Variants in GNAI2 observed in about 807,000 individuals in gnomAD.
GNAI2 encodes the protein G protein subunit alpha i2.
Under a neutral mutation model 36.8 loss-of-function variants are expected in GNAI2, and 4 were observed. The ratio of observed to expected loss-of-function variants is 0.11; its 90% CI spans 0.05 to 0.25. The LOEUF (loss-of-function observed/expected upper bound fraction) is 0.25. GNAI2 is among the 10% of genes least tolerant of loss of function. The pLI is 1.00. For missense variants in GNAI2, 230 were observed against 481.3 expected (o/e 0.48, Z 4.89); for synonymous variants, 194 against 194.1 (o/e 1.00, Z 0.01).
In GNAI2 at chr3:50,244,025, CTT is replaced by C. The variant is rs782681282; in HGVS notation, c.118+7592_118+7593del. Among the ~76,000 whole-genome samples the C allele has an allele frequency of 7.1e-4, 85 of 120,388 alleles. 1 individual carries two copies. In the East Asian group the frequency reaches 0.01, roughly 14 times the overall value. The allele number at this position is 120,388 out of a possible 152,430, so 79.0% of individuals were successfully genotyped here. The stretch of plus-strand genomic sequence containing the variant: ...TGGTCATGGGGGACCCCCTCCACTC[CTT>C]TTTTTTTTTTTTTTTTTTTGAGATG... On this transcript the variant is annotated intron_variant, in intron 1 of 8. Transcript: ENST00000313601.
Position 50,253,043 on chromosome 3 carries a change from T to C in GNAI2, c.323T>C (p.Phe108Ser), listed in dbSNP as rs1700603706. The C allele has an allele frequency of 6.3e-7, 1 of 1,594,608 alleles. No individual in the cohort carries two copies. The highest frequency in any genetic ancestry group is 1.1e-5 in the South Asian group (1 of 90,476). The change falls in exon 4 of 9, where the codon TTT becomes TCT. Residue 108 changes from phenylalanine (F) to serine (S), a missense_variant. By Grantham distance (155) the Phe-to-Ser change is radical (BLOSUM62 -2). Transcript: ENST00000313601. The surrounding 1 kb of genome is among the most constrained non-coding windows in gnomAD (Gnocchi z 4.2). ...GCCCAGGACGACGCCAGGCAGCTAT[T>C]TGCACTGTCCTGCACCGCCGAGGAG... Reference protein sequence around the residue: ...PSRADDARQLFALSCTAEEQG... With the variant: ...PSRADDARQLSALSCTAEEQG...
In GNAI2 at chr3:50,252,356, G is replaced by A; in HGVS notation, c.162-41G>A. On this transcript the variant is annotated intron_variant, in intron 2 of 8. Transcript: ENST00000313601. This position sits in a 1 kb window ranked among gnomAD's most constrained non-coding sequence, Gnocchi z 4.1. ...CCCCAGGCAGCCGTGGGAACTCCCA[G>A]TGCCCAGGGGACACTAACCTTCCTG... 6.2e-7 allele frequency: 1 copy of A among 1,609,386 alleles called. No individual in the cohort carries two copies. Among genetic ancestry groups the A allele is most frequent in the African/African-American group, 1.3e-5 (1 of 74,974 alleles).
At chr3:50,234,522 T>C (rs1700125357), upstream of GNAI2, among the ~76,000 whole-genome samples, 1 of 152,106 alleles carries the variant, frequency 6.6e-6, no homozygotes, top group African/African-American at 2.4e-5. Flanking sequence ...CCGCTAATTT[T>C]TTGTATTTTA....
intron 1 of GNAI2, among the ~76,000 whole-genome samples, chr3:50,251,056 C>T (rs1030562455): frequency 6.6e-6 from 1 of 152,142 alleles, no homozygotes; most frequent in Non-Finnish European, 1.5e-5. Context: ...GGTGATCCAC[C>T]TGCCTCAGCC....
At position 50,251,572 on chromosome 3, in the gene GNAI2, T is replaced by C. The variant is rs868985841; in HGVS notation, c.119-528T>C. 1.7e-5 allele frequency: 21 copies of C among 1,209,232 alleles called. No individual in the cohort carries two copies. In the Middle Eastern group the frequency reaches 6.9e-4, roughly 40 times the overall value. The allele number at this position is 1,209,232 out of a possible 1,614,324, so 74.9% of individuals were successfully genotyped here. ...AGCGCAGTGAGCAGAGGGCGGGGCATTGGGCCATGTCCAGAAAGCTGAAGT... is the reference window on the plus strand; with the variant it reads ...AGCGCAGTGAGCAGAGGGCGGGGCACTGGGCCATGTCCAGAAAGCTGAAGT... On this transcript the variant is annotated intron_variant, in intron 1 of 8. Transcript: ENST00000313601.
At chr3:50,248,217 C>T (rs1438836938) in intron 1 of GNAI2, among the ~76,000 whole-genome samples, 2 of 152,180 alleles carry the variant, frequency 1.3e-5, no homozygotes, top group African/African-American at 2.4e-5. Context: ...CATGCTATTG[C>T]ACTCCAGCCT....
At chr3:50,227,374 G>T, upstream of GNAI2, 2 of 408,508 alleles carry the variant, frequency 4.9e-6, no homozygotes, top group South Asian at 6.5e-5. The surrounding 1 kb of genome is among the most constrained non-coding windows in gnomAD (Gnocchi z 5.9). Flanking sequence ...GCCAGGCCCG[G>T]AGGCAGAGCG....
chr3:50,256,352 A>G (rs961330271), intron 5 of GNAI2, 32 bp downstream of exon 5: 10 of 1,606,386 alleles, frequency 6.2e-6, no homozygotes, highest in Non-Finnish European at 7.7e-6. Context: ...TGGGAGGGGC[A>G]GGACCTGCCA....
intron 7 of GNAI2, 89 bp downstream of exon 7, chr3:50,257,179 A>G (rs1437748935): frequency 1.8e-6 from 2 of 1,139,484 alleles, no homozygotes; most frequent in East Asian, 4.7e-5. Flanking sequence ...GGCGCCCCCC[A>G]CTGGACAGAA....
At chr3:50,239,412 G>A (rs1700253447) in intron 1 of GNAI2, among the ~76,000 whole-genome samples, 2 of 152,178 alleles carry the variant, frequency 1.3e-5, no homozygotes, top group African/African-American at 4.8e-5. Flanking sequence ...GAAACATCTG[G>A]CTCCCAGCGC....
rs1700296050 is a variant in GNAI2, at chr3:50,241,400, G to A, written c.118+4947G>A. Among the ~76,000 whole-genome samples the A allele has an allele frequency of 7.9e-5, 12 of 152,306 alleles. No homozygotes were observed. The South Asian group carries it at 2.5e-3, about 32-fold the overall frequency. On this transcript the variant is annotated intron_variant, in intron 1 of 8. Coordinates refer to ENST00000313601, the MANE Select transcript of GNAI2 (RefSeq NM_002070.4). This position sits in a 1 kb window ranked among gnomAD's most constrained non-coding sequence, Gnocchi z 5.0. ...GAGCTCCCACACTAAGGAGTGAACA[G>A]GGGTCCAAGCTATAGCTGACCCCCT...
chr3:50,227,188 C>T (rs924100461), upstream of GNAI2: 30 of 1,440,334 alleles, frequency 2.1e-5, no homozygotes, highest in Admixed American at 5.9e-4. This position sits in a 1 kb window ranked among gnomAD's most constrained non-coding sequence, Gnocchi z 5.9. Flanking sequence ...TGGGGACGTT[C>T]TGAGGGTAAG....
Position 50,253,066 on chromosome 3 carries a change from G to C in GNAI2, c.346G>C (p.Glu116Gln). ...ATTTGCACTGTCCTGCACCGCCGAG[G>C]AGCAAGGCGTGCTCCCTGATGACCT... is the stretch of plus-strand genomic sequence containing the variant. The part of the protein sequence containing the change: ...QLFALSCTAE[E>Q]QGVLPDDLSG... Residue 116 changes from glutamate (E) to glutamine (Q), a missense_variant, in exon 4 of 9, where the codon GAG becomes CAG. Glu to Gln is a conservative substitution (Grantham distance 29). Around this residue, in one of 4 missense-constraint regions of GNAI2, gnomAD observed 132 missense variants for 247.4 expected, o/e 0.53. Coordinates refer to ENST00000313601, the MANE Select transcript of GNAI2 (RefSeq NM_002070.4). This position sits in a 1 kb window ranked among gnomAD's most constrained non-coding sequence, Gnocchi z 4.2. 1 of 1,612,056 alleles carries C rather than the reference G, an allele frequency of 6.2e-7. No individual in the cohort carries two copies. The highest frequency in any genetic ancestry group is 8.5e-7 in the Non-Finnish European group (1 of 1,178,652).
chr3:50,235,521 T>A (rs60247651), upstream of GNAI2, among the ~76,000 whole-genome samples: 14,753 of 152,146 alleles, frequency 0.097, 756 homozygotes, highest in Middle Eastern at 0.12. Context: ...GGTTTCACCA[T>A]GTTGGCCAGG....
In GNAI2 at chr3:50,257,495, C is replaced by G; in HGVS notation, c.878-5C>G. ...CAGCACAAGTCTTCATTTTCTCTCC[C>G]CCAGGGGCCAACAAATATGATGAGG... On this transcript the variant is annotated splice_region_variant and splice_polypyrimidine_tract_variant and intron_variant, in intron 7 of 8. Transcript: ENST00000313601. 1 of 1,549,844 alleles carries G rather than the reference C, an allele frequency of 6.5e-7. No individual in the cohort carries two copies. The highest frequency in any genetic ancestry group is 8.7e-7 in the Non-Finnish European group (1 of 1,143,456).
Position 50,238,324 on chromosome 3 carries a change from A to C in GNAI2, c.118+1871A>C, listed in dbSNP as rs1406616112. On this transcript the variant is annotated intron_variant, in intron 1 of 8. Transcript: ENST00000313601. This position sits in a 1 kb window ranked among gnomAD's most constrained non-coding sequence, Gnocchi z 5.0. ...CTGGACCATAGAGCTGGGGGAACGC[A>C]GGGCTTCTGGCTAGTTTTGTGTCCC... The C allele has an allele frequency of 6.6e-6, 1 of 152,298 alleles. No individual in the cohort carries two copies. The highest frequency in any genetic ancestry group is 1.5e-5 in the Non-Finnish European group (1 of 68,096). The allele number at this position is 152,298 out of a possible 1,614,324, so 9.4% of individuals were successfully genotyped here.
In GNAI2 at chr3:50,238,797, G is replaced by A. The variant is rs1553700682; in HGVS notation, c.118+2344G>A. Among the ~76,000 whole-genome samples the A allele has an allele frequency of 2.6e-5, 4 of 152,230 alleles. No individual in the cohort carries two copies. Among genetic ancestry groups the A allele is most frequent in the African/African-American group, 9.6e-5 (4 of 41,466 alleles). On this transcript the variant is annotated intron_variant, in intron 1 of 8. Coordinates refer to ENST00000313601, the MANE Select transcript of GNAI2 (RefSeq NM_002070.4). The surrounding 1 kb of genome is among the most constrained non-coding windows in gnomAD (Gnocchi z 5.0). ...AAGGTGGTGATGGGAGCCCAGCTGT[G>A]GTAAGTTCAGAGTTCTGGGCGCCTG...
chr3:50,246,380 G>T (rs1700425520), intron 1 of GNAI2, among the ~76,000 whole-genome samples: 1 of 152,238 alleles, frequency 6.6e-6, no homozygotes, highest in Non-Finnish European at 1.5e-5. Context: ...GGTGGTGGCG[G>T]GGCATGGGTC....
Position 50,253,565 on chromosome 3 carries a change from A to T in GNAI2, c.464+381A>T, listed in dbSNP as rs898759451. On this transcript the variant is annotated intron_variant, in intron 4 of 8. Transcript: ENST00000313601. The surrounding 1 kb of genome is among the most constrained non-coding windows in gnomAD (Gnocchi z 4.2). ...CGAGACCATCCTGGCTAACACGGTG[A>T]AACCCCGTCTCTACTAAAAATACAA... Among the ~76,000 whole-genome samples the T allele has an allele frequency of 1.3e-5, 2 of 152,066 alleles. No homozygotes were observed. The highest frequency in any genetic ancestry group is 2.4e-5 in the African/African-American group (1 of 41,396).
Sources: allele counts gnomAD v4.1 joint callset (sites outside exome capture counted in the v4.1 genomes callset), GRCh38; gene constraint gnomAD v4.1.1; regional missense constraint gnomAD v4.1.1; non-coding constraint Gnocchi (gnomAD v3.1); transcripts MANE v1.5; gene names NCBI Gene and HGNC (gene_info 2026-07-23, HGNC 2026-07-21).